The following KYAT3 variants were observed in gnomAD, a reference collection of about 807,000 sequenced individuals.
KYAT3 encodes kynurenine--oxoglutarate transaminase 3.
A neutral mutation model predicts 59.0 loss-of-function variants in KYAT3; 50 were observed. The ratio of observed to expected loss-of-function variants is 0.85; its 90% CI spans 0.68 to 1.07. The LOEUF is 1.07. KYAT3 is among the 50% of genes least tolerant of loss of function. The pLI, the probability that KYAT3 is intolerant of heterozygous loss-of-function variation, is 0.00. For synonymous variants in KYAT3, 148 were observed against 177.0 expected, an observed-to-expected ratio of 0.84 and a Z score of 1.30; for missense variants, 497 against 533.3, an observed-to-expected ratio of 0.93 and a Z score of 0.67.
intron 8 of KYAT3, 33 bp downstream of exon 8, chr1:88,961,134 T>C (rs756895207): frequency 2.5e-6 from 4 of 1,609,880 alleles, no homozygotes; most frequent in Non-Finnish European, 3.4e-6. Flanking sequence ...CCCAAACACA[T>C]TTAGATATGT....
downstream of KYAT3, among the ~76,000 whole-genome samples, chr1:88,934,861 C>T (rs1244609026): frequency 1.3e-5 from 2 of 152,144 alleles, no homozygotes; most frequent in Non-Finnish European, 2.9e-5. Context: ...TTATTATTCA[C>T]CAGGTCTGGG....
intron 10 of KYAT3, among the ~76,000 whole-genome samples, chr1:88,951,041 A>G (rs1362607946): frequency 3.3e-5 from 5 of 152,006 alleles, no homozygotes; most frequent in Non-Finnish European, 7.4e-5. Context: ...CTCTCTGTCC[A>G]AAGGGGTTTT....
downstream of KYAT3, among the ~76,000 whole-genome samples, chr1:88,932,620 G>C (rs1674931830): frequency 6.6e-6 from 1 of 152,048 alleles, no homozygotes; most frequent in African/African-American, 2.4e-5. Flanking sequence ...AGTCTCCCAA[G>C]TAGCTGGGAC....
rs760959046 is a variant in KYAT3, at chr1:88,955,270, T to A, written c.788-45A>T. On this transcript the variant is annotated intron_variant, in intron 8 of 13. Coordinates refer to ENST00000260508, the MANE Select transcript of KYAT3 (RefSeq NM_001008661.3). ...AGGGTAAATATTGTTTTCCAATTAA[T>A]CACATTTAGTATAATCTAAAAACAT... 3 of 1,106,428 alleles carry A rather than the reference T, an allele frequency of 2.7e-6. No individual in the cohort carries two copies. The South Asian group carries it at 3.8e-5, about 14-fold the overall frequency. 68.5% of individuals were successfully genotyped at this position (1,106,428 alleles called of 1,614,324 possible). A position where few individuals can be genotyped will look rare whatever the true frequency, so the allele number is the denominator to read the frequency against.
At chr1:88,956,858 T>A (rs1354774276) in intron 8 of KYAT3, among the ~76,000 whole-genome samples, 1 of 152,224 alleles carries the variant, frequency 6.6e-6, no homozygotes, top group Admixed American at 6.5e-5. Context: ...CAATACTGCT[T>A]TGTGGATTCC....
chr1:88,977,961 T>C (rs1676871582), intron 2 of KYAT3, among the ~76,000 whole-genome samples: 1 of 152,224 alleles, frequency 6.6e-6, no homozygotes, highest in Non-Finnish European at 1.5e-5. Flanking sequence ...CCTAGGTGTG[T>C]AGCAGGCTAT....
intron 3 of KYAT3, among the ~76,000 whole-genome samples, 155 bp from the exon 4 acceptor site, chr1:88,968,969 C>T (rs1676449597): frequency 6.6e-6 from 1 of 152,168 alleles, no homozygotes; most frequent in South Asian, 2.1e-4. Context: ...TTACCAACCA[C>T]AAATCAGTTT....
chr1:88,958,861 A>G (rs936825046), intron 8 of KYAT3, among the ~76,000 whole-genome samples: 2 of 152,174 alleles, frequency 1.3e-5, no homozygotes, highest in African/African-American at 4.8e-5. Flanking sequence ...TCTACCACTA[A>G]AGTAAGTTTC....
At chr1:88,977,812 C>T (rs2101070358) in intron 2 of KYAT3, among the ~76,000 whole-genome samples, 1 of 152,306 alleles carries the variant, frequency 6.6e-6, no homozygotes, top group East Asian at 1.9e-4. Context: ...GTACCATTTT[C>T]TTATCTCACT....
chr1:88,969,598 A>G, intron 2 of KYAT3, 131 bp from the exon 3 acceptor site: 1 of 590,644 alleles, frequency 1.7e-6, no homozygotes, highest in Non-Finnish European at 3.0e-6. Context: ...TAAATCTTAG[A>G]CTCCAACACA....
chr1:88,976,778 A>G (rs1251528960), intron 2 of KYAT3, among the ~76,000 whole-genome samples: 9 of 152,204 alleles, frequency 5.9e-5, no homozygotes, highest in African/African-American at 2.2e-4. Flanking sequence ...GATCCAGTTC[A>G]TCGGTAGGTC....
intron 2 of KYAT3, chr1:88,983,864 G>C (rs1351868798): frequency 2.0e-5 from 33 of 1,610,640 alleles, no homozygotes; most frequent in Non-Finnish European, 2.8e-5. Flanking sequence ...GTGACAGTGG[G>C]TTCAAGCTCC....
intron 8 of KYAT3, 110 bp downstream of exon 8, chr1:88,961,057 G>T: frequency 9.9e-7 from 1 of 1,010,890 alleles, no homozygotes; most frequent in Non-Finnish European, 1.5e-6. Flanking sequence ...CATACAGACA[G>T]ATACCCATTA....
the KYAT3 span, among the ~76,000 whole-genome samples, chr1:88,921,848 T>C: frequency 6.6e-6 from 1 of 152,216 alleles, no homozygotes; most frequent in Non-Finnish European, 1.5e-5. Context: ...CAGCCTTTTG[T>C]TCTATTTAGA....
At chr1:88,934,379 G>A (rs901113213), downstream of KYAT3, among the ~76,000 whole-genome samples, 1 of 152,140 alleles carries the variant, frequency 6.6e-6, no homozygotes, top group African/African-American at 2.4e-5. Flanking sequence ...GCTTGAACCT[G>A]GGGGGCAGAG....
At chr1:88,925,403 G>GC in the KYAT3 span, among the ~76,000 whole-genome samples, 1 of 150,734 alleles carries the variant, frequency 6.6e-6, no homozygotes, top group African/African-American at 2.5e-5. Context: ...TCTGATCCCT[G>GC]CCTCCTAGGT....
chr1:88,943,431 C>T lies in KYAT3; in HGVS notation c.1142-8G>A. ...TATCAGAGAGGTCTGGATCTAAAAC[C>T]ACAATGAAAATTAGGTGGCCTATGA... On this transcript the variant is annotated splice_polypyrimidine_tract_variant and splice_region_variant and intron_variant, in intron 11 of 13. Transcript: ENST00000260508. 2 of 1,507,402 alleles carry T rather than the reference C, an allele frequency of 1.3e-6. No individual in the cohort carries two copies. Among genetic ancestry groups the T allele is most frequent in the Middle Eastern group, 1.7e-4 (1 of 5,790 alleles). The allele number at this position is 1,507,402 out of a possible 1,614,324, so 93.4% of individuals were successfully genotyped here. A position where few individuals can be genotyped will look rare whatever the true frequency, so the allele number is the denominator to read the frequency against.
intron 11 of KYAT3, among the ~76,000 whole-genome samples, chr1:88,945,612 T>G (rs1163491247): frequency 1.3e-5 from 2 of 152,344 alleles, no homozygotes; most frequent in African/African-American, 4.8e-5. Context: ...TAATTCATAC[T>G]GTATCATAAA....
At chr1:88,936,322 C>A in intron 13 of KYAT3, 77 bp from the exon 14 acceptor site, 1 of 1,093,140 alleles carries the variant, frequency 9.1e-7, no homozygotes, top group Non-Finnish European at 1.3e-6. Context: ...AAATATACAA[C>A]ATAATGAAGA....
Sources: allele counts gnomAD v4.1 joint callset (sites outside exome capture counted in the v4.1 genomes callset), GRCh38; gene constraint gnomAD v4.1.1; transcripts MANE v1.5; gene names NCBI Gene and HGNC (gene_info 2026-07-23, HGNC 2026-07-21).